PIK3R4: variants seen among roughly 807,000 people sequenced by gnomAD.
The protein encoded by PIK3R4 is phosphoinositide-3-kinase regulatory subunit 4, also known as phosphoinositide 3-kinase regulatory subunit 4.
PIK3R4 carries 46 observed loss-of-function variants against 136.5 expected under a neutral mutation model. That is an observed-to-expected ratio of 0.34 (90% CI 0.27 to 0.43). The LOEUF (loss-of-function observed/expected upper bound fraction) is 0.43, where lower values mean the gene tolerates loss of function less well. PIK3R4 is among the 20% of genes least tolerant of loss of function. PIK3R4 has a pLI of 1.00. For missense variants in PIK3R4, 1,331 were observed against 1,649.5 expected (o/e 0.81, Z 3.35); for synonymous variants, 557 against 566.7 (o/e 0.98, Z 0.24).
intron 14 of PIK3R4, among the ~76,000 whole-genome samples, chr3:130,690,111 C>G (rs1197860594): frequency 6.6e-6 from 1 of 152,164 alleles, no homozygotes; most frequent in East Asian, 1.9e-4. Context: ...ATGAAGAACA[C>G]TCACATTCTC....
At chr3:130,699,649 GC>G (rs1289145062) in intron 13 of PIK3R4, among the ~76,000 whole-genome samples, 1 of 152,150 alleles carries the variant, frequency 6.6e-6, no homozygotes, top group Admixed American at 6.5e-5. Flanking sequence ...GACAGTCTTT[GC>G]CAGTATTCTC....
intron 9 of PIK3R4, among the ~76,000 whole-genome samples, chr3:130,715,170 C>G (rs1245815636): frequency 6.9e-6 from 1 of 144,030 alleles, no homozygotes; most frequent in Admixed American, 7.3e-5. Context: ...GTCACCCAGG[C>G]TGGAGTGCAG....
chr3:130,727,078 A>G lies in PIK3R4; in HGVS notation c.1807+1385T>C, dbSNP rs548128570. Among the ~76,000 whole-genome samples, 5 of 152,352 alleles carry G rather than the reference A, an allele frequency of 3.3e-5. No homozygotes were observed. The East Asian group carries it at 5.8e-4, about 18-fold the overall frequency. Reference sequence around the variant, plus strand: ...GGAATTTGAAAGTTTTTCAAAGTAGAAAGTACCCTTTCCTCCAAAACATAT... The same window carrying G: ...GGAATTTGAAAGTTTTTCAAAGTAGGAAGTACCCTTTCCTCCAAAACATAT... On this transcript the variant is annotated intron_variant, in intron 6 of 19. Coordinates refer to ENST00000356763, the MANE Select transcript of PIK3R4 (RefSeq NM_014602.3).
intron 6 of PIK3R4, among the ~76,000 whole-genome samples, chr3:130,725,221 T>C (rs141645133): frequency 4.2e-4 from 64 of 151,894 alleles, no homozygotes; most frequent in African/African-American, 1.5e-3. Context: ...ATTAAAAATA[T>C]ATAATAATGT....
intron 17 of PIK3R4, 43 bp from the exon 18 acceptor site, chr3:130,681,108 T>G: frequency 9.4e-7 from 1 of 1,059,804 alleles, no homozygotes; most frequent in Non-Finnish European, 1.5e-6. Flanking sequence ...GACATCCGTG[T>G]ATTCCATAAA....
intron 16 of PIK3R4, among the ~76,000 whole-genome samples, chr3:130,682,178 G>T (rs73200208): frequency 0.039 from 5,870 of 152,228 alleles, 163 homozygotes; most frequent in Non-Finnish European, 0.058. Flanking sequence ...ATGAAATTAA[G>T]GACCTTGAGA....
At chr3:130,729,519 C>T (rs2066750607) in intron 5 of PIK3R4, among the ~76,000 whole-genome samples, 2 of 152,140 alleles carry the variant, frequency 1.3e-5, no homozygotes, top group South Asian at 4.1e-4. Context: ...ATTATCTCAA[C>T]AGGTCCAATT....
At chr3:130,680,910 T>C (rs1431141089) in intron 18 of PIK3R4, 67 bp downstream of exon 18, 1 of 830,576 alleles carries the variant, frequency 1.2e-6, no homozygotes, top group African/African-American at 1.7e-5. Context: ...AACATTACAG[T>C]GCCATCAGTA....
At chr3:130,697,063 C>CTTTTTTTTTTTTTTTTT (rs60432343) in intron 13 of PIK3R4, among the ~76,000 whole-genome samples, 1 of 73,024 alleles carries the variant, frequency 1.4e-5, no homozygotes, top group Non-Finnish European at 2.2e-5. Context: ...GCCACTCCAG[C>CTTTTTTTTTTTTTTTTT]TTTTTTTTTT....
Position 130,705,704 on chromosome 3 carries a change from G to A in PIK3R4, c.2789C>T (p.Pro930Leu), listed in dbSNP as rs777841627. ...TGTAATTCGAATCTGATAGGTGGAT[G>A]GTAAGATTGTACTACTTAAAACCGG... ...VIPVLSSTILPSTYQIRITTC... is the reference protein window; with the variant it reads ...VIPVLSSTILLSTYQIRITTC... The change falls in exon 12 of 20, where the codon CCA becomes CTA. Residue 930 changes from proline (P) to leucine (L), a missense_variant. Physicochemically the swap from Pro to Leu is moderately conservative, Grantham distance 98. Transcript: ENST00000356763. The A allele has an allele frequency of 6.2e-7, 1 of 1,611,502 alleles. No individual in the cohort carries two copies. Among genetic ancestry groups the A allele is most frequent in the Non-Finnish European group, 8.5e-7 (1 of 1,177,710 alleles).
At chr3:130,721,792 T>C (rs1260059742) in intron 7 of PIK3R4, among the ~76,000 whole-genome samples, 3 of 152,074 alleles carry the variant, frequency 2.0e-5, no homozygotes, top group Non-Finnish European at 4.4e-5. Context: ...AAAATTCAGT[T>C]AGACAAGATG....
At chr3:130,681,843 T>A (rs1437101076) in intron 16 of PIK3R4, among the ~76,000 whole-genome samples, 1 of 152,158 alleles carries the variant, frequency 6.6e-6, no homozygotes, top group Admixed American at 6.5e-5. Flanking sequence ...CCCAGTTTCA[T>A]GGAACTTCCA....
intron 17 of PIK3R4, 125 bp from the exon 18 acceptor site, chr3:130,681,190 G>C (rs1216599832): frequency 8.5e-6 from 6 of 706,424 alleles, no homozygotes; most frequent in Admixed American, 4.2e-5. Context: ...GAAGAAATGA[G>C]AGACCAGTTA....
chr3:130,709,734 G>T (rs2403312), intron 9 of PIK3R4, among the ~76,000 whole-genome samples: 3,445 of 152,146 alleles, frequency 0.023, 121 homozygotes, highest in East Asian at 0.1. Flanking sequence ...AACATAGGGG[G>T]ACCTTAAAAA....
intron 19 of PIK3R4, 185 bp downstream of exon 19, chr3:130,680,428 T>G (rs758267635): frequency 2.3e-5 from 10 of 427,804 alleles, no homozygotes; most frequent in Non-Finnish European, 4.2e-5. Context: ...TTATATGCAC[T>G]TTCTTTATGC....
At position 130,741,119 on chromosome 3, in the gene PIK3R4, T is replaced by C. The variant is rs1487624103; in HGVS notation, c.733+3367A>G. Among the ~76,000 whole-genome samples, 12 of 152,342 alleles carry C rather than the reference T, an allele frequency of 7.9e-5. No individual in the cohort carries two copies. In the South Asian group the frequency reaches 2.3e-3, roughly 29 times the overall value. ...GCCTCCCCTCCTGCAAGTTCATATG[T>C]TTAATCTCCATACCTTAGAATCTAA... is the stretch of plus-strand genomic sequence containing the variant. On this transcript the variant is annotated intron_variant, in intron 2 of 19. Coordinates refer to ENST00000356763, the MANE Select transcript of PIK3R4 (RefSeq NM_014602.3).
Position 130,681,029 on chromosome 3 carries a change from G to C in PIK3R4, c.3745C>G (p.Pro1249Ala), listed in dbSNP as rs376277023. The change falls in exon 18 of 20, where the codon CCT becomes GCT. Residue 1249 changes from proline (P) to alanine (A), a missense_variant. Pro to Ala is a conservative substitution (Grantham distance 27). Around this residue, in one of 2 missense-constraint regions of PIK3R4, gnomAD observed 1,180 missense variants for 1,407.0 expected, o/e 0.84. Transcript: ENST00000356763. ...PHSVHGIYCS[P>A]ADGNPILLTA... is the part of the protein sequence containing the mutation. Reference sequence around the variant, plus strand: ...AGTAGGATAGGATTTCCATCTGCAGGACTACAGTAGATACCATGGACGCTA... The same window carrying C: ...AGTAGGATAGGATTTCCATCTGCAGCACTACAGTAGATACCATGGACGCTA... 10 of 1,596,358 alleles carry C rather than the reference G, an allele frequency of 6.3e-6. No individual in the cohort carries two copies. Among genetic ancestry groups the C allele is most frequent in the Non-Finnish European group, 8.6e-6 (10 of 1,165,062 alleles).
At chr3:130,694,125 A>G (rs981110087) in intron 13 of PIK3R4, among the ~76,000 whole-genome samples, 1 of 152,146 alleles carries the variant, frequency 6.6e-6, no homozygotes, top group African/African-American at 2.4e-5. Flanking sequence ...AGACATAGAC[A>G]TGATCTATAT....
At chr3:130,745,630 C>T (rs1200263774) in intron 1 of PIK3R4, among the ~76,000 whole-genome samples, 1 of 152,124 alleles carries the variant, frequency 6.6e-6, no homozygotes, top group African/African-American at 2.4e-5. Flanking sequence ...CTATGTGTTC[C>T]GTGCTGTGCT....
Sources: allele counts gnomAD v4.1 joint callset (sites outside exome capture counted in the v4.1 genomes callset), GRCh38; gene constraint gnomAD v4.1.1; regional missense constraint gnomAD v4.1.1; transcripts MANE v1.5; gene names NCBI Gene and HGNC (gene_info 2026-07-23, HGNC 2026-07-21).